The following SEMA3C variants were observed in gnomAD, a reference collection of about 807,000 sequenced individuals.
SEMA3C encodes the protein semaphorin-3C.
In SEMA3C, 47 loss-of-function variants were observed where a neutral mutation model predicts 89.4. The ratio of observed to expected loss-of-function variants is 0.53; its 90% CI spans 0.42 to 0.67. SEMA3C has a LOEUF of 0.67. Among genes scored for constraint, SEMA3C ranks in the 30% least tolerant of loss-of-function variants. The pLI is 0.00. For missense variants in SEMA3C, 839 were observed against 929.1 expected (o/e 0.90, Z 1.26); for synonymous variants, 310 against 320.2 (o/e 0.97, Z 0.34).
At chr7:80,845,503 C>T (rs990058226) in intron 2 of SEMA3C, among the ~76,000 whole-genome samples, 3 of 152,096 alleles carry the variant, frequency 2.0e-5, no homozygotes, top group African/African-American at 7.2e-5. Flanking sequence ...CCATATTCAA[C>T]CTACAAACAA....
At chr7:80,824,879 T>C (rs2115795985) in intron 4 of SEMA3C, among the ~76,000 whole-genome samples, 1 of 152,272 alleles carries the variant, frequency 6.6e-6, no homozygotes, top group African/African-American at 2.4e-5. Flanking sequence ...GGACCTGGCG[T>C]GTTCCATTAA....
chr7:80,811,355 T>C (rs1789465056), intron 5 of SEMA3C, among the ~76,000 whole-genome samples: 1 of 152,058 alleles, frequency 6.6e-6, no homozygotes. Flanking sequence ...AATTAAAATA[T>C]GGAAATATGG....
intron 12 of SEMA3C, 92 bp from the exon 13 acceptor site, chr7:80,765,335 A>G (rs1277983417): frequency 1.8e-5 from 16 of 884,674 alleles, no homozygotes; most frequent in Non-Finnish European, 2.3e-5. Flanking sequence ...CATTATTTAC[A>G]TAAGTATTTA....
At position 80,916,731 on chromosome 7, in the gene SEMA3C, G is replaced by A; in HGVS notation, c.51C>T (p.Ile17=). 6.2e-7 allele frequency: 1 copy of A among 1,613,636 alleles called. No homozygotes were observed. The highest frequency in any genetic ancestry group is 1.1e-5 in the South Asian group (1 of 91,050). Residue 17 remains isoleucine (I), a synonymous_variant, in exon 2 of 18, where the codon ATC becomes ATT. Coordinates refer to ENST00000265361, the MANE Select transcript of SEMA3C (RefSeq NM_006379.5). ...GGGGCTGGGAAGATCCTTTCACACA[G>A]ATAGAACAAATAAATACTCCAACCA... ...CVLVGVFICS[I]CVKGSSQPQA... is the part of the protein sequence containing the mutation.
intron 2 of SEMA3C, among the ~76,000 whole-genome samples, chr7:80,860,351 T>C (rs535014524): frequency 3.3e-5 from 5 of 152,294 alleles, no homozygotes; most frequent in African/African-American, 1.2e-4. Context: ...GATGATACTT[T>C]TATTTCTTCC....
chr7:80,911,716 C>T (rs1486860734), intron 2 of SEMA3C, among the ~76,000 whole-genome samples: 3 of 151,622 alleles, frequency 2.0e-5, no homozygotes, highest in African/African-American at 7.3e-5. Context: ...TCACTGCAAG[C>T]TCTGCCTCCC....
intron 2 of SEMA3C, among the ~76,000 whole-genome samples, chr7:80,867,632 C>T (rs1288770964): frequency 6.6e-6 from 1 of 151,978 alleles, no homozygotes; most frequent in Non-Finnish European, 1.5e-5. Flanking sequence ...GTACTAAAGT[C>T]AGGGAGGAAC....
intron 2 of SEMA3C, among the ~76,000 whole-genome samples, chr7:80,872,032 A>G (rs1342039583): frequency 6.6e-6 from 1 of 152,150 alleles, no homozygotes; most frequent in Non-Finnish European, 1.5e-5. Flanking sequence ...CTGCATGATA[A>G]TTTGACTGCA....
chr7:80,805,486 C>T (rs1278414842), intron 7 of SEMA3C, among the ~76,000 whole-genome samples, 153 bp downstream of exon 7: 6 of 151,824 alleles, frequency 4.0e-5, no homozygotes, highest in African/African-American at 9.7e-5. Context: ...TTATTTTCCC[C>T]GAATATTTTA....
At chr7:80,908,113 A>G (rs183065066) in intron 2 of SEMA3C, among the ~76,000 whole-genome samples, 1 of 152,274 alleles carries the variant, frequency 6.6e-6, no homozygotes, top group East Asian at 1.9e-4. Flanking sequence ...TTATAGTTGC[A>G]TTGGAATTGT....
Position 80,858,336 on chromosome 7 carries a change from C to G in SEMA3C, c.104-29591G>C, listed in dbSNP as rs188917374. On this transcript the variant is annotated intron_variant, in intron 2 of 17. Transcript: ENST00000265361. Reference sequence around the variant, plus strand: ...AGCACTGATATACATCATGACAGACCAAATATGTTTGCCTGTATGGCTTCC... The same window carrying G: ...AGCACTGATATACATCATGACAGACGAAATATGTTTGCCTGTATGGCTTCC... Among the ~76,000 whole-genome samples the G allele has an allele frequency of 2.2e-3, 329 of 152,104 alleles. 6 individuals are homozygous for G. The highest frequency in any genetic ancestry group is 8.2e-4 in the Non-Finnish European group (56 of 67,974).
chr7:80,750,276 AGTT>A (rs1787894235), intron 16 of SEMA3C, among the ~76,000 whole-genome samples: 1 of 151,556 alleles, frequency 6.6e-6, no homozygotes, highest in African/African-American at 2.4e-5. Context: ...GGAAGGAATT[AGTT>A]TAATTGAGGG....
At chr7:80,887,584 G>T (rs1791513386) in intron 2 of SEMA3C, among the ~76,000 whole-genome samples, 1 of 152,112 alleles carries the variant, frequency 6.6e-6, no homozygotes, top group South Asian at 2.1e-4. Context: ...TAGCCTTCAG[G>T]CAAAGGTTAA....
At chr7:80,878,690 A>G (rs1454268772) in intron 2 of SEMA3C, among the ~76,000 whole-genome samples, 2 of 152,092 alleles carry the variant, frequency 1.3e-5, no homozygotes, top group African/African-American at 4.8e-5. Flanking sequence ...ACCTAATACA[A>G]TATTTTTCTT....
chr7:80,887,104 T>C (rs539667369), intron 2 of SEMA3C, among the ~76,000 whole-genome samples: 52 of 152,272 alleles, frequency 3.4e-4, no homozygotes, highest in Admixed American at 4.6e-4. Flanking sequence ...CCTTAAAAGA[T>C]TTCTATTTTA....
intron 17 of SEMA3C, among the ~76,000 whole-genome samples, chr7:80,748,096 T>TC (rs1369808794): frequency 2.0e-5 from 3 of 152,058 alleles, no homozygotes; most frequent in African/African-American, 4.8e-5. Flanking sequence ...AGGCTCCACT[T>TC]CCCCCTTGGC....
At chr7:80,745,805 AAAT>A (rs1381353228) in intron 17 of SEMA3C, among the ~76,000 whole-genome samples, 1 of 152,152 alleles carries the variant, frequency 6.6e-6, no homozygotes, top group Non-Finnish European at 1.5e-5. Flanking sequence ...ATGGTCTTCT[AAAT>A]AAAAAATACA....
At chr7:80,764,531 A>T (rs1466854630) in intron 13 of SEMA3C, among the ~76,000 whole-genome samples, 3 of 152,032 alleles carry the variant, frequency 2.0e-5, no homozygotes, top group Admixed American at 2.0e-4. Flanking sequence ...TGACCAGGTG[A>T]GATCTTACAG....
At chr7:80,844,956 C>T (rs995857692) in intron 2 of SEMA3C, among the ~76,000 whole-genome samples, 3 of 152,124 alleles carry the variant, frequency 2.0e-5, no homozygotes, top group Non-Finnish European at 4.4e-5. Flanking sequence ...AAATGTCTTT[C>T]CTTTGTCAGG....
Sources: allele counts gnomAD v4.1 joint callset (sites outside exome capture counted in the v4.1 genomes callset), GRCh38; gene constraint gnomAD v4.1.1; transcripts MANE v1.5; gene names NCBI Gene and HGNC (gene_info 2026-07-23, HGNC 2026-07-21).